The following RNF212B variants were observed in gnomAD, a reference collection of about 807,000 sequenced individuals.
RNF212B encodes the protein E3 ubiquitin-protein ligase RNF212B.
A neutral mutation model predicts 55.5 loss-of-function variants in RNF212B; 52 were observed. That is an observed-to-expected ratio of 0.94 (90% CI 0.75 to 1.18). The LOEUF (loss-of-function observed/expected upper bound fraction) is 1.18. RNF212B is among the 50% of genes most tolerant of loss of function. The probability of loss-of-function intolerance (pLI) is 0.00; values close to 1 mark genes in which losing one functional copy is unlikely to be tolerated. For synonymous variants in RNF212B, 99 were observed against 121.4 expected, an observed-to-expected ratio of 0.82 and a Z score of 1.21; for missense variants, 289 against 350.4, an observed-to-expected ratio of 0.82 and a Z score of 1.40.
intron 2 of RNF212B, among the ~76,000 whole-genome samples, chr14:23,214,455 A>G (rs566385595): frequency 5.9e-5 from 9 of 152,070 alleles, no homozygotes; most frequent in South Asian, 2.1e-4. Flanking sequence ...AATTGCGCCA[A>G]TGTACTCCGG....
At chr14:23,259,834 G>C in intron 5 of RNF212B, 50 bp from the exon 6 acceptor site, 2 of 1,059,952 alleles carry the variant, frequency 1.9e-6, no homozygotes, top group Non-Finnish European at 1.3e-6. Context: ...AAAAAATCAG[G>C]TTTTTAATCC....
chr14:23,216,088 TA>T (rs569503372), intron 2 of RNF212B, among the ~76,000 whole-genome samples: 3 of 151,096 alleles, frequency 2.0e-5, no homozygotes, highest in Non-Finnish European at 4.4e-5. Flanking sequence ...CTACTAAAAA[TA>T]AAAAAAATTA....
intron 4 of RNF212B, among the ~76,000 whole-genome samples, chr14:23,250,815 G>A (rs981139312): frequency 6.6e-6 from 1 of 152,168 alleles, no homozygotes; most frequent in South Asian, 2.1e-4. Flanking sequence ...ACATTGGTTC[G>A]ATCGGGAAAG....
At chr14:23,226,071 G>A (rs945443986) in intron 2 of RNF212B, among the ~76,000 whole-genome samples, 9 of 151,356 alleles carry the variant, frequency 5.9e-5, no homozygotes, top group Admixed American at 1.3e-4. Context: ...AGGCTGAGGC[G>A]GGTGGATCAC....
chr14:23,243,337 G>A, intron 3 of RNF212B, 29 bp downstream of exon 3: 1 of 1,525,732 alleles, frequency 6.6e-7, no homozygotes, highest in Non-Finnish European at 8.9e-7. Flanking sequence ...GCCACAAACT[G>A]TCTCATCCCA....
chr14:23,194,753 A>C lies in RNF212B; in HGVS notation c.-2+1352A>C, dbSNP rs1004536397. Among the ~76,000 whole-genome samples the C allele has an allele frequency of 3.1e-3, 464 of 151,328 alleles. 4 individuals are homozygous for C. Among genetic ancestry groups the C allele is most frequent in the African/African-American group, 9.3e-3 (383 of 41,260 alleles). Reference sequence around the variant, plus strand: ...CTGTCTCAAAAAAAAAAAAAAAAAAAAAAACAACGCTGCTGTATCAAACAG... The same window carrying C: ...CTGTCTCAAAAAAAAAAAAAAAAAACAAAACAACGCTGCTGTATCAAACAG... On this transcript the variant is annotated intron_variant, in intron 2 of 15. Coordinates refer to the RNF212B transcript ENST00000399910.
chr14:23,258,385 G>T, intron 4 of RNF212B, 164 bp from the exon 5 acceptor site: 13 of 324,962 alleles, frequency 4.0e-5, no homozygotes, highest in Non-Finnish European at 5.6e-5. Context: ...TCCTGGAAAT[G>T]AGTGCTGAGC....
intron 1 of RNF212B, among the ~76,000 whole-genome samples, chr14:23,191,681 T>C (rs1271663714): frequency 1.3e-5 from 2 of 152,152 alleles, no homozygotes; most frequent in Admixed American, 6.6e-5. Context: ...AGGCTGAGTT[T>C]ATATTGTTTA....
At chr14:23,245,521 C>A (rs1883919510) in intron 4 of RNF212B, among the ~76,000 whole-genome samples, 1 of 152,014 alleles carries the variant, frequency 6.6e-6, no homozygotes, top group African/African-American at 2.4e-5. Flanking sequence ...TACACATGGT[C>A]AAGTATCAAG....
At chr14:23,186,396 G>A (rs1411176576) in intron 1 of RNF212B, among the ~76,000 whole-genome samples, 2 of 150,636 alleles carry the variant, frequency 1.3e-5, no homozygotes, top group African/African-American at 4.9e-5. Context: ...TGGCCGGACT[G>A]CAGTGGTGCG....
chr14:23,261,585 A>G (rs375635394), intron 7 of RNF212B, among the ~76,000 whole-genome samples: 11 of 152,320 alleles, frequency 7.2e-5, no homozygotes, highest in East Asian at 5.8e-4. Context: ...CCTACTGTTT[A>G]TCAGGTACCA....
intron 2 of RNF212B, among the ~76,000 whole-genome samples, chr14:23,225,418 A>G (rs546684804): frequency 2.0e-5 from 3 of 152,364 alleles, no homozygotes; most frequent in Admixed American, 6.5e-5. Flanking sequence ...GTGTCCATCA[A>G]CAGATGAATG....
intron 4 of RNF212B, among the ~76,000 whole-genome samples, chr14:23,257,848 T>C (rs1460039083): frequency 6.6e-6 from 1 of 152,112 alleles, no homozygotes; most frequent in Non-Finnish European, 1.5e-5. Context: ...ACTCTGTAGG[T>C]GTCTTTAGGG....
chr14:23,231,581 A>G (rs1594906680), intron 2 of RNF212B, among the ~76,000 whole-genome samples: 1 of 152,194 alleles, frequency 6.6e-6, no homozygotes, highest in East Asian at 1.9e-4. Flanking sequence ...CTTTCAGAGT[A>G]GAAGAAAAGA....
At chr14:23,204,070 G>A (rs955493666) in intron 2 of RNF212B, among the ~76,000 whole-genome samples, 4 of 152,176 alleles carry the variant, frequency 2.6e-5, no homozygotes, top group South Asian at 2.1e-4. Context: ...TGATGGGATT[G>A]TTTGTTTTTT....
rs182808365 is a variant in RNF212B at position 23,213,647 on chromosome 14, A to C, written c.-2+20246A>C. On this transcript the variant is annotated intron_variant, in intron 2 of 15. Coordinates refer to the RNF212B transcript ENST00000399910. ...TCCTGGAAAGGTGTCAGTGGGACCC[A>C]GTGGGGAGCTGAACATTTACCACTT... Among the ~76,000 whole-genome samples the C allele has an allele frequency of 1.5e-3, 224 of 152,222 alleles. 1 individual carries two copies. The highest frequency in any genetic ancestry group is 5.3e-3 in the African/African-American group (222 of 41,522).
intron 2 of RNF212B, among the ~76,000 whole-genome samples, chr14:23,196,673 C>T (rs192306359): frequency 4.6e-5 from 7 of 152,166 alleles, no homozygotes; most frequent in African/African-American, 1.7e-4. Flanking sequence ...AACTCCTGGT[C>T]TCAAGCAATC....
intron 2 of RNF212B, among the ~76,000 whole-genome samples, chr14:23,218,694 G>C (rs114624142): frequency 0.013 from 2,048 of 152,094 alleles, 45 homozygotes; most frequent in African/African-American, 0.047. Flanking sequence ...AGCCTCAAAA[G>C]GGCAAATGTG....
chr14:23,251,874 C>T (rs548815712), intron 4 of RNF212B, among the ~76,000 whole-genome samples: 1 of 151,596 alleles, frequency 6.6e-6, no homozygotes, highest in Admixed American at 6.6e-5. Flanking sequence ...GGAAAAGATG[C>T]AAAGTATGTG....
Sources: gnomAD v4.1 joint callset for allele counts (sites outside exome capture counted in the v4.1 genomes callset) on GRCh38, gnomAD v4.1.1 for gene constraint, MANE v1.5 for transcripts, NCBI Gene and HGNC (gene_info 2026-07-23, HGNC 2026-07-21) for gene names.